Variants in PAX5 observed in about 807,000 individuals in gnomAD.
PAX5 encodes paired box 5.
Under a neutral mutation model 43.7 loss-of-function variants are expected in PAX5, and 9 were observed. The ratio of observed to expected loss-of-function variants is 0.21; its 90% CI spans 0.12 to 0.36. The LOEUF is 0.36. PAX5 is among the 10% of genes least tolerant of loss of function. PAX5 has a pLI of 1.00. For missense variants in PAX5, 383 were observed against 532.7 expected (o/e 0.72, Z 2.77); for synonymous variants, 228 against 214.3 (o/e 1.06, Z -0.56).
intron 1 of PAX5, chr9:37,026,750 G>A: frequency 1.0e-6 from 1 of 983,914 alleles, no homozygotes; most frequent in Non-Finnish European, 1.2e-6. Flanking sequence ...ACCGCCCGGA[G>A]CTGCGCGGAG....
intron 1 of PAX5, among the ~76,000 whole-genome samples, chr9:37,031,478 G>T (rs1037039202): frequency 6.6e-6 from 1 of 152,128 alleles, no homozygotes; most frequent in Non-Finnish European, 1.5e-5. Context: ...AGGTCTGCCC[G>T]GATCTAAGGA....
chr9:36,885,333 G>A (rs561311552), intron 7 of PAX5, among the ~76,000 whole-genome samples: 22 of 152,262 alleles, frequency 1.4e-4, no homozygotes, highest in African/African-American at 5.3e-4. Flanking sequence ...TGTCAAGTCT[G>A]CCCAGGCTCA....
rs1279507929 is a variant in PAX5, at chr9:36,997,795, G to A, written c.604+4853C>T. 2.0e-5 allele frequency among the ~76,000 whole-genome samples: 3 copies of A among 152,246 alleles called. No homozygotes were observed. The East Asian group carries it at 5.8e-4, about 29-fold the overall frequency. On this transcript the variant is annotated intron_variant, in intron 5 of 9. Transcript: ENST00000358127. The stretch of plus-strand genomic sequence containing the variant: ...GTGTGAACCGGGGCTGTGCCGAGAG[G>A]CTGCGCTGGGGATAGAAATGATTTG...
intron 1 of PAX5, chr9:37,026,470 G>A: frequency 7.9e-7 from 1 of 1,272,018 alleles, no homozygotes; most frequent in Non-Finnish European, 1.0e-6. Flanking sequence ...CTGACCCACG[G>A]TCCGGCACCC....
At chr9:36,875,075 G>T (rs1266855938) in intron 8 of PAX5, among the ~76,000 whole-genome samples, 1 of 152,108 alleles carries the variant, frequency 6.6e-6, no homozygotes, top group Non-Finnish European at 1.5e-5. Context: ...TCAGAACCAG[G>T]GAGTCTGGCT....
chr9:36,904,024 G>T (rs1244556711), intron 7 of PAX5, among the ~76,000 whole-genome samples: 1 of 152,226 alleles, frequency 6.6e-6, no homozygotes, highest in Non-Finnish European at 1.5e-5. Context: ...GTGTGACCTT[G>T]AGCAAGTTTC....
intron 7 of PAX5, among the ~76,000 whole-genome samples, chr9:36,900,308 G>A (rs574960939): frequency 6.6e-6 from 1 of 152,154 alleles, no homozygotes; most frequent in Non-Finnish European, 1.5e-5. Flanking sequence ...CTGCTGAGGC[G>A]GAGGTCCTAG....
chr9:36,933,285 C>T (rs766059621), intron 6 of PAX5, among the ~76,000 whole-genome samples: 3 of 152,188 alleles, frequency 2.0e-5, no homozygotes, highest in African/African-American at 7.2e-5. Flanking sequence ...AACGAGAGAA[C>T]GCAAGAAGCC....
intron 8 of PAX5, among the ~76,000 whole-genome samples, chr9:36,850,214 G>A (rs1239713924): frequency 6.6e-6 from 1 of 152,226 alleles, no homozygotes; most frequent in African/African-American, 2.4e-5. Context: ...GGGCAAGAGT[G>A]TAATGCTTTT....
intron 8 of PAX5, among the ~76,000 whole-genome samples, chr9:36,878,692 G>A (rs1057462971): frequency 1.3e-5 from 2 of 152,324 alleles, no homozygotes; most frequent in African/African-American, 4.8e-5. Flanking sequence ...CCAAAAGGTG[G>A]GCCCTCTCTG....
At chr9:36,891,351 C>T (rs547816715) in intron 7 of PAX5, among the ~76,000 whole-genome samples, 2 of 152,316 alleles carry the variant, frequency 1.3e-5, no homozygotes, top group South Asian at 2.1e-4. Flanking sequence ...GGAGAAACAG[C>T]TCAATACCCA....
chr9:36,980,148 T>C (rs1008353079), intron 5 of PAX5, among the ~76,000 whole-genome samples: 1 of 152,346 alleles, frequency 6.6e-6, no homozygotes, highest in Non-Finnish European at 1.5e-5. Context: ...AAGCCAAGAC[T>C]ATGCTTAGGG....
At chr9:36,943,542 A>T (rs866775750) in intron 6 of PAX5, among the ~76,000 whole-genome samples, 8 of 151,706 alleles carry the variant, frequency 5.3e-5, no homozygotes, top group South Asian at 2.1e-4. Flanking sequence ...ACACACACAC[A>T]CACACACACA....
chr9:36,860,347 A>G (rs572011037), intron 8 of PAX5, among the ~76,000 whole-genome samples: 9 of 152,252 alleles, frequency 5.9e-5, no homozygotes, highest in African/African-American at 1.9e-4. Context: ...AAAAGAAAAA[A>G]AAATCATCTG....
chr9:36,930,869 T>G, intron 6 of PAX5: 7 of 1,308,752 alleles, frequency 5.3e-6, no homozygotes, highest in African/African-American at 1.5e-5. Flanking sequence ...GGGCATCATT[T>G]GGGTCCCTAG....
intron 6 of PAX5, among the ~76,000 whole-genome samples, chr9:36,948,724 G>T (rs1832755198): frequency 6.6e-6 from 1 of 152,030 alleles, no homozygotes; most frequent in Non-Finnish European, 1.5e-5. Flanking sequence ...CCCCATCACT[G>T]CAGGTCAGAT....
chr9:36,863,060 A>G lies in PAX5; in HGVS notation c.1013-16131T>C, dbSNP rs1824379947. Among the ~76,000 whole-genome samples the G allele has an allele frequency of 2.6e-5, 4 of 152,228 alleles. No homozygotes were observed. The South Asian group carries it at 8.3e-4, about 32-fold the overall frequency. Reference sequence around the variant, plus strand: ...TCCTGGCGTGGGGCTTCATCTGCTCAAGAGAAGGAAGGAACAAGGTGCTGA... The same window carrying G: ...TCCTGGCGTGGGGCTTCATCTGCTCGAGAGAAGGAAGGAACAAGGTGCTGA... On this transcript the variant is annotated intron_variant, in intron 8 of 9. Transcript: ENST00000358127.
chr9:37,003,907 T>C (rs1002603175), intron 4 of PAX5, among the ~76,000 whole-genome samples: 2 of 152,250 alleles, frequency 1.3e-5, no homozygotes, highest in African/African-American at 4.8e-5. Context: ...TCAAACCCTA[T>C]AACTAATCTG....
rs1563928469 is a variant in PAX5 at position 36,882,808 on chromosome 9, C to T, written c.911-703G>A. Among the ~76,000 whole-genome samples, 2 of 152,246 alleles carry T rather than the reference C, an allele frequency of 1.3e-5. No individual in the cohort carries two copies. Among genetic ancestry groups the T allele is most frequent in the Non-Finnish European group, 2.9e-5 (2 of 68,050 alleles). On this transcript the variant is annotated intron_variant, in intron 7 of 9. Coordinates refer to ENST00000358127, the MANE Select transcript of PAX5 (RefSeq NM_016734.3). This position sits in a 1 kb window ranked among gnomAD's most constrained non-coding sequence, Gnocchi z 4.4. ...CTCAAGGCGTGCACACTCCCATGGG[C>T]GAGTGTCCAGCTCTTTCAGGCTGCT...
Sources: gnomAD v4.1 joint callset for allele counts (sites outside exome capture counted in the v4.1 genomes callset) on GRCh38, gnomAD v4.1.1 for gene constraint, Gnocchi (gnomAD v3.1) non-coding constraint, MANE v1.5 for transcripts, NCBI Gene and HGNC (gene_info 2026-07-23, HGNC 2026-07-21) for gene names.